HDAC4: variants seen among roughly 807,000 people sequenced by gnomAD.
The protein encoded by HDAC4 is histone deacetylase A.
In HDAC4, 16 loss-of-function variants were observed where a neutral mutation model predicts 135.1. The observed-to-expected ratio is 0.12, with a 90% CI of 0.08 to 0.18. The LOEUF is 0.18. Among genes scored for constraint, HDAC4 ranks in the 10% least tolerant of loss-of-function variants. The pLI is 1.00. For synonymous variants in HDAC4, 685 were observed against 653.4 expected (o/e 1.05, Z -0.74); for missense variants, 1,143 against 1,511.8 (o/e 0.76, Z 4.05).
chr2:239,338,520 G>T (rs1337312552), intron 2 of HDAC4, among the ~76,000 whole-genome samples: 1 of 152,134 alleles, frequency 6.6e-6, no homozygotes, highest in African/African-American at 2.4e-5. Flanking sequence ...TAAAAGAACG[G>T]CTGCATCTGA....
chr2:239,120,781 T>C (rs1387289568), intron 12 of HDAC4, among the ~76,000 whole-genome samples: 3 of 150,774 alleles, frequency 2.0e-5, no homozygotes, highest in Non-Finnish European at 3.0e-5. Flanking sequence ...AGCAACCCCA[T>C]AGAGGACACA....
chr2:239,068,892 C>A lies in HDAC4; in HGVS notation c.2751-285G>T. 1 of 397,382 alleles carries A rather than the reference C, an allele frequency of 2.5e-6. No individual in the cohort carries two copies. Among genetic ancestry groups the A allele is most frequent in the Non-Finnish European group, 4.8e-6 (1 of 207,862 alleles). 24.6% of individuals were successfully genotyped at this position (397,382 alleles called of 1,614,324 possible). On this transcript the variant is annotated intron_variant, in intron 22 of 26. Transcript: ENST00000543185. This position sits in a 1 kb window ranked among gnomAD's most constrained non-coding sequence, Gnocchi z 4.4. ...GAGTCACGGTGCAAGCCAGCAAGCC[C>A]CACTGCACTTGCTTGGTGAGAGGGA...
At chr2:239,239,825 G>T (rs368476223) in intron 2 of HDAC4, among the ~76,000 whole-genome samples, 4 of 152,316 alleles carry the variant, frequency 2.6e-5, no homozygotes, top group African/African-American at 9.6e-5. Flanking sequence ...CCTGCCTCTC[G>T]CGGAACAGGG....
chr2:239,093,048 C>T (rs543355622), intron 17 of HDAC4, among the ~76,000 whole-genome samples: 6 of 152,228 alleles, frequency 3.9e-5, no homozygotes, highest in East Asian at 1.9e-4. Context: ...TCAGAGGAGC[C>T]GCGGGGAGCC....
chr2:239,124,755 T>C (rs13000146), intron 12 of HDAC4, among the ~76,000 whole-genome samples: 185 of 16,530 alleles, frequency 0.011, 4 homozygotes, highest in African/African-American at 0.019. Flanking sequence ...TGACATTCCA[T>C]GTTATGTGAC....
chr2:239,181,981 G>A (rs1304052073), intron 4 of HDAC4, among the ~76,000 whole-genome samples: 1 of 152,162 alleles, frequency 6.6e-6, no homozygotes, highest in Non-Finnish European at 1.5e-5. Flanking sequence ...ATACTACCTG[G>A]AGCACACCTT....
chr2:239,081,872 C>T (rs561136036), intron 21 of HDAC4, among the ~76,000 whole-genome samples: 51 of 152,356 alleles, frequency 3.3e-4, no homozygotes, highest in African/African-American at 1.2e-3. Context: ...TGGATGGGAA[C>T]CAGAAACAAT....
At chr2:239,164,019 G>T in intron 5 of HDAC4, 96 bp from the exon 6 acceptor site, 1 of 1,467,168 alleles carries the variant, frequency 6.8e-7, no homozygotes, top group Non-Finnish European at 9.5e-7. Context: ...GAAGGGCTGG[G>T]GACGGCTATG....
rs1156742158 is a variant in HDAC4 at position 239,313,245 on chromosome 2, T to TA, written c.22+39432dup. ...TCTGCCTGAATTCATTTCATATTTTTAAATATGCTCTTAATGGAAAGCAAC... is the reference window on the plus strand; with the variant it reads ...TCTGCCTGAATTCATTTCATATTTTTAAAATATGCTCTTAATGGAAAGCAAC... On this transcript the variant is annotated intron_variant, in intron 2 of 26. Transcript: ENST00000543185. This position sits in a 1 kb window ranked among gnomAD's most constrained non-coding sequence, Gnocchi z 5.1. Among the ~76,000 whole-genome samples, 1 of 152,212 alleles carries TA rather than the reference T, an allele frequency of 6.6e-6. No homozygotes were observed. The highest frequency in any genetic ancestry group is 3.2e-3 in the Middle Eastern group (1 of 316).
At chr2:239,287,076 G>A (rs1199523536) in intron 2 of HDAC4, among the ~76,000 whole-genome samples, 3 of 152,250 alleles carry the variant, frequency 2.0e-5, no homozygotes, top group South Asian at 4.1e-4. Flanking sequence ...GGGACCTCTC[G>A]GACAATACGA....
chr2:239,119,715 G>A lies in HDAC4; in HGVS notation c.1534-4405C>T, dbSNP rs528646843. Among the ~76,000 whole-genome samples the A allele has an allele frequency of 5.4e-4, 82 of 152,288 alleles. 1 individual carries two copies. The highest frequency in any genetic ancestry group is 1.9e-3 in the African/African-American group (78 of 41,564). On this transcript the variant is annotated intron_variant, in intron 12 of 26. Coordinates refer to ENST00000543185, the MANE Select transcript of HDAC4 (RefSeq NM_001378414.1). ...TGAGGAGGTGTTCAGGGCCTCAGAG[G>A]GCTCCTCACAATGTGGGCTTTGCTC...
At chr2:239,113,826 GC>G (rs1559453359) in intron 13 of HDAC4, among the ~76,000 whole-genome samples, 2 of 152,134 alleles carry the variant, frequency 1.3e-5, no homozygotes, top group African/African-American at 4.8e-5. Flanking sequence ...GAGGCCCGGG[GC>G]TTTCTCTCTC....
intron 1 of HDAC4, among the ~76,000 whole-genome samples, chr2:239,372,295 C>T (rs573382021): frequency 3.3e-5 from 5 of 152,300 alleles, no homozygotes; most frequent in African/African-American, 1.2e-4. Flanking sequence ...CTCATCCGAC[C>T]GCTCCCCATC....
chr2:239,154,802 AG>A (rs2042321826), intron 7 of HDAC4: 1 of 152,236 alleles, frequency 6.6e-6, no homozygotes, highest in Non-Finnish European at 1.5e-5. Flanking sequence ...GGCGCTCTCC[AG>A]GTGAAATCCA....
chr2:239,124,985 G>A (rs1042706571), intron 12 of HDAC4, among the ~76,000 whole-genome samples: 24 of 149,194 alleles, frequency 1.6e-4, no homozygotes, highest in African/African-American at 2.7e-4. Context: ...GCGTGTGGCC[G>A]CGTTATATGA....
chr2:239,111,518 C>G lies in HDAC4; in HGVS notation c.1978+8G>C. 1 of 1,610,830 alleles carries G rather than the reference C, an allele frequency of 6.2e-7. No homozygotes were observed. The highest frequency in any genetic ancestry group is 8.5e-7 in the Non-Finnish European group (1 of 1,179,202). ...GCACCCTCAGGCTGCACAAAGGCCA[C>G]GTGTTACCTGTCGTGAACCTCGGCT... On this transcript the variant is annotated splice_region_variant and intron_variant, in intron 14 of 26. Transcript: ENST00000543185.
chr2:239,299,161 G>A lies in HDAC4; in HGVS notation c.22+53517C>T, dbSNP rs571258004. Reference sequence around the variant, plus strand: ...ATTACAGGCATAAGCTATTGCACCCGGCCTGTCATAGCCTACCTTATTCCA... The same window carrying A: ...ATTACAGGCATAAGCTATTGCACCCAGCCTGTCATAGCCTACCTTATTCCA... On this transcript the variant is annotated intron_variant, in intron 2 of 26. Coordinates refer to ENST00000543185, the MANE Select transcript of HDAC4 (RefSeq NM_001378414.1). The surrounding 1 kb of genome is among the most constrained non-coding windows in gnomAD (Gnocchi z 4.0). Among the ~76,000 whole-genome samples the A allele has an allele frequency of 6.5e-4, 99 of 152,092 alleles. No individual in the cohort carries two copies. Among genetic ancestry groups the A allele is most frequent in the Non-Finnish European group, 1.1e-3 (75 of 67,992 alleles).
intron 4 of HDAC4, among the ~76,000 whole-genome samples, chr2:239,187,565 T>C (rs1324689212): frequency 6.6e-6 from 1 of 152,110 alleles, no homozygotes; most frequent in East Asian, 1.9e-4. Context: ...AAAACTCTTC[T>C]CCCAGGCCAG....
chr2:239,388,401 T>C (rs1432673055), intron 1 of HDAC4, among the ~76,000 whole-genome samples: 1 of 152,236 alleles, frequency 6.6e-6, no homozygotes, highest in Non-Finnish European at 1.5e-5. Flanking sequence ...CAGTGCGGCT[T>C]CCAGGACTAT....
Sources: allele counts gnomAD v4.1 joint callset (sites outside exome capture counted in the v4.1 genomes callset), GRCh38; gene constraint gnomAD v4.1.1; non-coding constraint Gnocchi (gnomAD v3.1); transcripts MANE v1.5; gene names NCBI Gene and HGNC (gene_info 2026-07-23, HGNC 2026-07-21).